The following GPM6A variants were observed in gnomAD, a reference collection of about 807,000 sequenced individuals.
GPM6A encodes neuronal membrane glycoprotein M6-a.
A neutral mutation model predicts 32.1 loss-of-function variants in GPM6A; 7 were observed. That is an observed-to-expected ratio of 0.22 (90% CI 0.12 to 0.41). The LOEUF (loss-of-function observed/expected upper bound fraction) is 0.41. Among genes scored for constraint, GPM6A ranks in the 10% least tolerant of loss-of-function variants. The pLI is 1.00. For missense variants in GPM6A, 235 were observed against 347.2 expected (o/e 0.68, Z 2.57); for synonymous variants, 130 against 123.4 (o/e 1.05, Z -0.35).
chr4:175,860,557 A>C (rs1245810030), intron 1 of GPM6A, among the ~76,000 whole-genome samples: 1 of 152,206 alleles, frequency 6.6e-6, no homozygotes, highest in Non-Finnish European at 1.5e-5. Context: ...CATAATTTAA[A>C]ATATTCCAAA....
chr4:175,852,210 A>C (rs1301966583), intron 1 of GPM6A, among the ~76,000 whole-genome samples: 5 of 152,158 alleles, frequency 3.3e-5, no homozygotes, highest in African/African-American at 1.2e-4. Flanking sequence ...ATCAGTTTGG[A>C]ATGAATAAAT....
upstream of GPM6A, chr4:175,812,852 CTAAG>C: frequency 4.1e-6 from 4 of 985,336 alleles, no homozygotes; most frequent in Non-Finnish European, 4.8e-6. Flanking sequence ...TCTCTCCTCA[CTAAG>C]TATTTAGTTA....
chr4:175,842,064 G>A (rs1735953481), intron 1 of GPM6A, among the ~76,000 whole-genome samples: 1 of 151,950 alleles, frequency 6.6e-6, no homozygotes, highest in Non-Finnish European at 1.5e-5. Flanking sequence ...ATAATTCTGG[G>A]TATTAAAATT....
At chr4:175,681,541 T>C (rs1241971693) in intron 2 of GPM6A, among the ~76,000 whole-genome samples, 1 of 152,194 alleles carries the variant, frequency 6.6e-6, no homozygotes, top group Non-Finnish European at 1.5e-5. Flanking sequence ...AAACTTCATG[T>C]TGATTGTAAT....
chr4:175,977,377 G>C lies in GPM6A; in HGVS notation c.-23+24932C>G, dbSNP rs529896854. Among the ~76,000 whole-genome samples the C allele has an allele frequency of 2.6e-5, 4 of 152,138 alleles. No individual in the cohort carries two copies. The South Asian group carries it at 8.3e-4, about 32-fold the overall frequency. Reference sequence around the variant, plus strand: ...CATGCTGACAAATACTACAAAAAATGAACAACTTTTCTTTCAATGTTTTGT... The same window carrying C: ...CATGCTGACAAATACTACAAAAAATCAACAACTTTTCTTTCAATGTTTTGT... On this transcript the variant is annotated intron_variant, in intron 1 of 7. Coordinates refer to the GPM6A transcript ENST00000280187.
intron 1 of GPM6A, among the ~76,000 whole-genome samples, chr4:175,736,607 A>G (rs1490116453): frequency 6.6e-6 from 1 of 152,228 alleles, no homozygotes; most frequent in Non-Finnish European, 1.5e-5. Flanking sequence ...CAAAATAGCT[A>G]AATTTACTGA....
chr4:175,941,444 G>A (rs1739402362), intron 1 of GPM6A, among the ~76,000 whole-genome samples: 1 of 151,972 alleles, frequency 6.6e-6, no homozygotes, highest in Non-Finnish European at 1.5e-5. Context: ...GAACATGCAG[G>A]TTTGTCACAT....
At chr4:175,701,047 G>T (rs1192260772) in intron 2 of GPM6A, among the ~76,000 whole-genome samples, 1 of 152,092 alleles carries the variant, frequency 6.6e-6, no homozygotes, top group Non-Finnish European at 1.5e-5. Context: ...GAAAAAAAAG[G>T]TTGCTTGATT....
At chr4:175,818,195 G>A (rs1229866993) in intron 1 of GPM6A, among the ~76,000 whole-genome samples, 6 of 152,108 alleles carry the variant, frequency 3.9e-5, no homozygotes, top group Admixed American at 2.6e-4. Context: ...TCGGCATAAC[G>A]TCCCCCTGCT....
chr4:175,793,283 T>A (rs1734082336), intron 1 of GPM6A, among the ~76,000 whole-genome samples: 1 of 152,222 alleles, frequency 6.6e-6, no homozygotes, highest in Non-Finnish European at 1.5e-5. Flanking sequence ...GGAGGTTGCC[T>A]GGATACCCAC....
At chr4:175,696,978 T>C (rs1206419822) in intron 2 of GPM6A, among the ~76,000 whole-genome samples, 1 of 152,206 alleles carries the variant, frequency 6.6e-6, no homozygotes, top group Non-Finnish European at 1.5e-5. Context: ...AACTATTTTA[T>C]ATGTGCATGC....
Position 175,700,567 on chromosome 4 carries a change from A to C in GPM6A, c.230+1008T>G, listed in dbSNP as rs1206720723. 8.5e-5 allele frequency among the ~76,000 whole-genome samples: 13 copies of C among 152,252 alleles called. No homozygotes were observed. The East Asian group carries it at 2.5e-3, about 29-fold the overall frequency. ...ACACTAACCATCCAGATACTCACTC[A>C]GATTTGTAAATCTAAAAGCATCATA... On this transcript the variant is annotated intron_variant, in intron 2 of 6. Coordinates refer to ENST00000393658, the MANE Select transcript of GPM6A (RefSeq NM_201591.3).
intron 2 of GPM6A, among the ~76,000 whole-genome samples, chr4:175,697,386 G>A (rs1744639300): frequency 6.6e-6 from 1 of 152,096 alleles, no homozygotes; most frequent in African/African-American, 2.4e-5. Flanking sequence ...TCAAGAGAAA[G>A]TCTGAATCAC....
chr4:175,920,233 T>C lies in GPM6A; in HGVS notation c.-23+82076A>G, dbSNP rs1738621980. ...ATTATTGCCACTGGGATCCTACATG[T>C]CTGGCAGGAATTTAGGACATAATGT... On this transcript the variant is annotated intron_variant, in intron 1 of 7. Transcript: ENST00000280187. Among the ~76,000 whole-genome samples, 3 of 152,354 alleles carry C rather than the reference T, an allele frequency of 2.0e-5. No homozygotes were observed. In the South Asian group the frequency reaches 6.2e-4, roughly 32 times the overall value.
intron 6 of GPM6A, among the ~76,000 whole-genome samples, chr4:175,637,327 T>TTATATTATATATAATATATAA (rs1740760328): frequency 2.5e-5 from 2 of 78,708 alleles, no homozygotes; most frequent in East Asian, 8.3e-4. Context: ...AAAATATATA[T>TTATATTATATATAATATATAA]TATATATTAT....
intron 3 of GPM6A, among the ~76,000 whole-genome samples, chr4:175,658,430 G>A (rs760994125): frequency 4.6e-5 from 7 of 152,134 alleles, no homozygotes; most frequent in Admixed American, 1.3e-4. Context: ...GGGTGAGAGG[G>A]CTGAATAGGT....
chr4:175,981,741 T>C (rs1412408777), intron 1 of GPM6A, among the ~76,000 whole-genome samples: 4 of 152,094 alleles, frequency 2.6e-5, no homozygotes, highest in African/African-American at 9.7e-5. Flanking sequence ...CTCGGGTAAA[T>C]ACATAAGGGA....
intron 1 of GPM6A, among the ~76,000 whole-genome samples, chr4:175,900,668 T>C (rs193153497): frequency 2.0e-4 from 31 of 152,318 alleles, no homozygotes; most frequent in Admixed American, 4.6e-4. Context: ...TGTACACTGT[T>C]GGTGGGAATA....
chr4:175,639,332 T>C (rs1457174916), intron 6 of GPM6A, among the ~76,000 whole-genome samples: 3 of 152,168 alleles, frequency 2.0e-5, no homozygotes, highest in Non-Finnish European at 2.9e-5. Context: ...TAGATAGATA[T>C]TGGCACCATG....
Sources: allele counts gnomAD v4.1 joint callset (sites outside exome capture counted in the v4.1 genomes callset), GRCh38; gene constraint gnomAD v4.1.1; transcripts MANE v1.5; gene names NCBI Gene and HGNC (gene_info 2026-07-23, HGNC 2026-07-21).